The following CNNM1 variants were observed in gnomAD, a reference collection of about 807,000 sequenced individuals.
The protein encoded by CNNM1 is metal transporter CNNM1.
A neutral mutation model predicts 78.8 loss-of-function variants in CNNM1; 44 were observed. The ratio of observed to expected loss-of-function variants is 0.56; its 90% CI spans 0.44 to 0.72. The LOEUF (loss-of-function observed/expected upper bound fraction) is 0.72, where lower values mean the gene tolerates loss of function less well. Among genes scored for constraint, CNNM1 ranks in the 30% least tolerant of loss-of-function variants. The probability of loss-of-function intolerance (pLI) is 0.00; values close to 1 mark genes in which losing one functional copy is unlikely to be tolerated. For missense variants in CNNM1, 1,101 were observed against 1,292.2 expected (o/e 0.85, Z 2.27); for synonymous variants, 584 against 581.5 (o/e 1.00, Z -0.06).
At position 99,364,941 on chromosome 10, in the gene CNNM1, G is replaced by A. The variant is rs762539951; in HGVS notation, c.2129-14G>A. 1.6e-4 allele frequency: 259 copies of A among 1,612,178 alleles called. 1 individual carries two copies. The East Asian group carries it at 5.7e-3, about 36-fold the overall frequency. On this transcript the variant is annotated splice_polypyrimidine_tract_variant and intron_variant, in intron 5 of 10. Transcript: ENST00000356713. ...GAGTTGCCTCTGAAACCCACTGCAT[G>A]CTTCTGTCCTTAGATAATGACGTGC...
chr10:99,345,112 A>C (rs1223936744), intron 1 of CNNM1, among the ~76,000 whole-genome samples: 3 of 152,170 alleles, frequency 2.0e-5, no homozygotes, highest in Non-Finnish European at 4.4e-5. Context: ...TCCTTGGATA[A>C]GTCATTTTAT....
intron 7 of CNNM1, among the ~76,000 whole-genome samples, chr10:99,379,678 T>A: frequency 6.8e-6 from 1 of 147,848 alleles, no homozygotes; most frequent in Non-Finnish European, 1.5e-5. Flanking sequence ...GGATTCTCAC[T>A]ATGTTTCCCA....
intron 1 of CNNM1, among the ~76,000 whole-genome samples, chr10:99,356,598 AAG>A (rs1440225191): frequency 3.1e-5 from 4 of 129,828 alleles, no homozygotes; most frequent in African/African-American, 1.4e-4. Flanking sequence ...GAAAGAAAGA[AAG>A]AAAGAAAAGA....
At chr10:99,372,068 G>C (rs1244922214) in intron 6 of CNNM1, among the ~76,000 whole-genome samples, 2 of 152,064 alleles carry the variant, frequency 1.3e-5, no homozygotes, top group East Asian at 1.9e-4. Flanking sequence ...GGTTGTGAAG[G>C]CTCCCTGGAT....
intron 6 of CNNM1, among the ~76,000 whole-genome samples, chr10:99,371,098 A>G (rs2002059): frequency 0.097 from 14,799 of 152,210 alleles, 1,026 homozygotes; most frequent in African/African-American, 0.19. Flanking sequence ...TAGACATTTT[A>G]TGCCCCCTAG....
Position 99,330,651 on chromosome 10 carries a change from C to G in CNNM1, c.1264C>G (p.Leu422Val). 1 of 1,613,996 alleles carries G rather than the reference C, an allele frequency of 6.2e-7. No individual in the cohort carries two copies. The highest frequency in any genetic ancestry group is 8.5e-7 in the Non-Finnish European group (1 of 1,179,878). The change falls in exon 1 of 11, where the codon CTG becomes GTG. Residue 422 changes from leucine to valine, a missense_variant. By Grantham distance (32) the Leu-to-Val change is conservative (BLOSUM62 1). Around this residue, in one of 3 missense-constraint regions of CNNM1, gnomAD observed 277 missense variants for 423.2 expected, o/e 0.65. Coordinates refer to ENST00000356713, the MANE Select transcript of CNNM1 (RefSeq NM_020348.3). The stretch of plus-strand genomic sequence containing the variant: ...GGAGCTCAACATCATACAGGGTGCC[C>G]TGGAGCTGCGCACCAAAGTTGTGGA... ...KEELNIIQGA[L>V]ELRTKVVEEV... is the part of the protein sequence containing the mutation.
intron 1 of CNNM1, among the ~76,000 whole-genome samples, chr10:99,347,273 C>A (rs1164958171): frequency 2.0e-5 from 3 of 151,990 alleles, no homozygotes; most frequent in Non-Finnish European, 4.4e-5. Flanking sequence ...GTAATACCAG[C>A]ACTTTGGGAG....
At chr10:99,353,024 A>C (rs988060756) in intron 1 of CNNM1, among the ~76,000 whole-genome samples, 1 of 152,038 alleles carries the variant, frequency 6.6e-6, no homozygotes, top group Non-Finnish European at 1.5e-5. Context: ...TGAGGTAGGC[A>C]TCCAACTTCA....
intron 1 of CNNM1, among the ~76,000 whole-genome samples, chr10:99,331,739 T>C (rs2029926719): frequency 6.6e-6 from 1 of 151,946 alleles, no homozygotes; most frequent in Admixed American, 6.6e-5. Context: ...GGGAGGGAAG[T>C]ACTCAGGTTG....
At chr10:99,335,927 A>G (rs1294602797) in intron 1 of CNNM1, among the ~76,000 whole-genome samples, 5 of 152,154 alleles carry the variant, frequency 3.3e-5, no homozygotes, top group Non-Finnish European at 7.3e-5. Context: ...AAAGACATCA[A>G]TCCTGTTGGA....
chr10:99,368,333 A>G (rs2031689835), intron 6 of CNNM1: 2 of 298,006 alleles, frequency 6.7e-6, no homozygotes, highest in Admixed American at 8.4e-5. Context: ...CATGCTTCCC[A>G]CAGGGCTCGG....
At chr10:99,338,068 A>T (rs1338998428) in intron 1 of CNNM1, among the ~76,000 whole-genome samples, 2 of 152,202 alleles carry the variant, frequency 1.3e-5, no homozygotes, top group Non-Finnish European at 2.9e-5. Flanking sequence ...AGCCTAAAGC[A>T]TAGTGGATGA....
At position 99,387,999 on chromosome 10, in the gene CNNM1, GC is replaced by G. The variant is rs780088778; in HGVS notation, c.2522del (p.Pro841ArgfsTer8). ...ITLLNNRNSL[P>X]CSRSDGLRSP... The stretch of plus-strand genomic sequence containing the variant: ...CGCTCCTCAACAACAGGAACAGCCT[GC>G]CGTGTAAGTCAGCTGGGCAGACGGG... On this transcript the variant is annotated frameshift_variant, in exon 8 of 11. Coordinates refer to ENST00000356713, the MANE Select transcript of CNNM1 (RefSeq NM_020348.3). LOFTEE classifies it high-confidence loss of function. 6.3e-7 allele frequency: 1 copy of G among 1,588,232 alleles called. No homozygotes were observed. Among genetic ancestry groups the G allele is most frequent in the South Asian group, 1.2e-5 (1 of 86,426 alleles).
rs1193559828 is a variant in CNNM1 at position 99,393,069 on chromosome 10, C to G, written c.*1553C>G. 2 of 152,244 alleles carry G rather than the reference C, an allele frequency of 1.3e-5. No homozygotes were observed. Among genetic ancestry groups the G allele is most frequent in the Non-Finnish European group, 2.9e-5 (2 of 68,070 alleles). 9.4% of individuals were successfully genotyped at this position (152,244 alleles called of 1,614,324 possible). ...TGAAATTTGTCTTCAGAATAACTAT[C>G]TCCCTTTCTGATCTGTCTCCTACTC... On this transcript the variant is annotated 3_prime_UTR_variant, in exon 11 of 11. Coordinates refer to ENST00000356713, the MANE Select transcript of CNNM1 (RefSeq NM_020348.3).
At chr10:99,375,890 G>A (rs2031946158) in intron 6 of CNNM1, among the ~76,000 whole-genome samples, 1 of 152,096 alleles carries the variant, frequency 6.6e-6, no homozygotes, top group African/African-American at 2.4e-5. Flanking sequence ...TTCCACGGTT[G>A]AGATGATGTT....
intron 1 of CNNM1, among the ~76,000 whole-genome samples, chr10:99,343,915 G>A (rs1038142781): frequency 6.6e-6 from 1 of 150,958 alleles, no homozygotes; most frequent in Non-Finnish European, 1.5e-5. Flanking sequence ...TAGAGATGGG[G>A]TTTCACCATA....
At chr10:99,369,820 C>T (rs2031742630) in intron 6 of CNNM1, among the ~76,000 whole-genome samples, 1 of 152,138 alleles carries the variant, frequency 6.6e-6, no homozygotes, top group Non-Finnish European at 1.5e-5. Flanking sequence ...ATCTGGTGCC[C>T]TCACCAGCTA....
chr10:99,362,193 G>T, intron 3 of CNNM1, 34 bp from the exon 4 acceptor site: 3 of 1,570,592 alleles, frequency 1.9e-6, no homozygotes, highest in Middle Eastern at 2.0e-4. Flanking sequence ...CACAGCTGAT[G>T]CTGATTCCTC....
chr10:99,341,899 A>G (rs1009455550), intron 1 of CNNM1, among the ~76,000 whole-genome samples: 1 of 152,256 alleles, frequency 6.6e-6, no homozygotes, highest in Non-Finnish European at 1.5e-5. Flanking sequence ...AAAGGATTCT[A>G]AATATAACTT....
Sources: allele counts gnomAD v4.1 joint callset (sites outside exome capture counted in the v4.1 genomes callset), GRCh38; gene constraint gnomAD v4.1.1; regional missense constraint gnomAD v4.1.1; transcripts MANE v1.5; gene names NCBI Gene and HGNC (gene_info 2026-07-23, HGNC 2026-07-21).